CLYBL: variants seen among roughly 807,000 people sequenced by gnomAD.
CLYBL encodes the protein citramalyl-CoA lyase, mitochondrial.
In CLYBL, 31 loss-of-function variants were observed where a neutral mutation model predicts 38.9. The observed-to-expected ratio is 0.80, with a 90% CI of 0.60 to 1.08. The LOEUF (loss-of-function observed/expected upper bound fraction) is 1.08, where lower values mean the gene tolerates loss of function less well. CLYBL is among the 50% of genes least tolerant of loss of function. CLYBL has a pLI of 0.00. For missense variants in CLYBL, 434 were observed against 411.6 expected (o/e 1.05, Z -0.47); for synonymous variants, 171 against 158.6 (o/e 1.08, Z -0.59).
intron 2 of CLYBL, among the ~76,000 whole-genome samples, chr13:99,793,934 T>C (rs1340742513): frequency 6.6e-6 from 1 of 151,936 alleles, no homozygotes; most frequent in African/African-American, 2.4e-5. Flanking sequence ...ATTCAAAGCT[T>C]TATAAATGTG....
chr13:99,792,855 G>A (rs1017033379), intron 2 of CLYBL, among the ~76,000 whole-genome samples: 4 of 151,996 alleles, frequency 2.6e-5, no homozygotes, highest in Non-Finnish European at 4.4e-5. Context: ...AGAAAGAAAC[G>A]CCCAATATCA....
chr13:99,890,671 T>A (rs1053649992), intron 7 of CLYBL, among the ~76,000 whole-genome samples: 3 of 152,180 alleles, frequency 2.0e-5, no homozygotes. Context: ...TTTCACCGTG[T>A]TGGCCAGGCT....
At chr13:99,842,513 T>C (rs1191864043) in intron 2 of CLYBL, among the ~76,000 whole-genome samples, 3 of 152,146 alleles carry the variant, frequency 2.0e-5, no homozygotes, top group Non-Finnish European at 4.4e-5. Flanking sequence ...AAAGACTAGC[T>C]TCCTGTTCTT....
rs573968945 is a variant in CLYBL, at chr13:99,688,990, G to T, written c.62+82233G>T. ...TGGGACTGAGGCCAAGGTGAAACCT[G>T]CGTTTTCCAGGTCTGCCCACTCAGT... is the stretch of plus-strand genomic sequence containing the variant. On this transcript the variant is annotated intron_variant, in intron 1 of 8. Coordinates refer to ENST00000339105, the MANE Select transcript of CLYBL (RefSeq NM_206808.5). Among the ~76,000 whole-genome samples, 24 of 152,204 alleles carry T rather than the reference G, an allele frequency of 1.6e-4. No individual in the cohort carries two copies. In the South Asian group the frequency reaches 5.0e-3, roughly 32 times the overall value.
At chr13:99,889,031 C>T (rs926614818) in intron 7 of CLYBL, among the ~76,000 whole-genome samples, 47 of 152,154 alleles carry the variant, frequency 3.1e-4, no homozygotes, top group Admixed American at 7.9e-4. Flanking sequence ...TCGTTTTGCA[C>T]CTTAAGCTTC....
rs747004830 is a variant in CLYBL, at chr13:99,865,025, A to G, written c.634+114A>G. 2.3e-5 allele frequency: 18 copies of G among 798,074 alleles called. No homozygotes were observed. The East Asian group carries it at 3.6e-4, about 16-fold the overall frequency. The allele number at this position is 798,074 out of a possible 1,614,324, so 49.4% of individuals were successfully genotyped here. ...TTTACATAACAATGTATATTTGCCA[A>G]CCATGACAATGGTTTTTCATGACAA... On this transcript the variant is annotated intron_variant, in intron 5 of 8. Transcript: ENST00000339105. This position sits in a 1 kb window ranked among gnomAD's most constrained non-coding sequence, Gnocchi z 4.7.
chr13:99,858,516 G>A (rs1284439113), intron 2 of CLYBL, among the ~76,000 whole-genome samples: 1 of 152,212 alleles, frequency 6.6e-6, no homozygotes, highest in Non-Finnish European at 1.5e-5. Flanking sequence ...ACCATGCTTA[G>A]CACTTAATGC....
chr13:99,770,102 T>TG (rs2049353796), intron 1 of CLYBL, among the ~76,000 whole-genome samples: 1 of 134,412 alleles, frequency 7.4e-6, no homozygotes, highest in East Asian at 2.1e-4. Flanking sequence ...TTTTTTGAGA[T>TG]GGAGTCTCGC....
chr13:99,729,247 G>A lies in CLYBL; in HGVS notation c.63-43577G>A, dbSNP rs187647215. Among the ~76,000 whole-genome samples the A allele has an allele frequency of 2.0e-5, 3 of 152,322 alleles. No individual in the cohort carries two copies. The East Asian group carries it at 5.8e-4, about 29-fold the overall frequency. On this transcript the variant is annotated intron_variant, in intron 1 of 8. Transcript: ENST00000339105. ...GCTGTGTTATGCCTGACACATTGTC[G>A]GTGACCAACAGATGTACTTGGCCAT...
At chr13:99,619,969 T>A (rs1254269642) in intron 1 of CLYBL, among the ~76,000 whole-genome samples, 6 of 152,160 alleles carry the variant, frequency 3.9e-5, no homozygotes, top group Non-Finnish European at 8.8e-5. Flanking sequence ...ACTCAATTGG[T>A]TTTACCGCCT....
intron 1 of CLYBL, among the ~76,000 whole-genome samples, chr13:99,609,025 A>C (rs1444620671): frequency 1.3e-5 from 2 of 151,464 alleles, no homozygotes; most frequent in Non-Finnish European, 2.9e-5. Flanking sequence ...CTCTCAAAAA[A>C]GTCTACTCTC....
At chr13:99,877,469 C>A in intron 7 of CLYBL, 1 of 280,446 alleles carries the variant, frequency 3.6e-6, no homozygotes, top group Non-Finnish European at 6.8e-6. Flanking sequence ...CACCCCAGGC[C>A]ATCCCTCACC....
intron 1 of CLYBL, among the ~76,000 whole-genome samples, chr13:99,645,527 T>C (rs1427453193): frequency 6.7e-6 from 1 of 150,074 alleles, no homozygotes; most frequent in Admixed American, 6.6e-5. Flanking sequence ...GTCATTTTAA[T>C]GGGGTGTGAT....
downstream of CLYBL, chr13:99,895,494 C>T (rs527426850): frequency 9.8e-5 from 15 of 152,370 alleles, no homozygotes; most frequent in African/African-American, 3.6e-4. Context: ...GACCAGACCC[C>T]AGCATTTCAG....
At chr13:99,728,880 G>A (rs2048531676) in intron 1 of CLYBL, among the ~76,000 whole-genome samples, 1 of 152,144 alleles carries the variant, frequency 6.6e-6, no homozygotes, top group Non-Finnish European at 1.5e-5. Flanking sequence ...ACCATGCCCA[G>A]CCCCACCCCA....
intron 2 of CLYBL, among the ~76,000 whole-genome samples, chr13:99,843,381 A>G (rs560438752): frequency 6.6e-6 from 1 of 152,230 alleles, no homozygotes; most frequent in African/African-American, 2.4e-5. Flanking sequence ...CATCACTCCT[A>G]TCCCATTAGT....
intron 2 of CLYBL, among the ~76,000 whole-genome samples, chr13:99,813,896 C>G (rs893980502): frequency 2.2e-4 from 34 of 152,276 alleles, no homozygotes; most frequent in African/African-American, 7.9e-4. Context: ...GTCCATAGGC[C>G]ATCCCCGTGG....
intron 2 of CLYBL, among the ~76,000 whole-genome samples, chr13:99,776,560 A>G (rs777591466): frequency 4.6e-5 from 7 of 150,796 alleles, no homozygotes; most frequent in Non-Finnish European, 5.9e-5. Flanking sequence ...TTTATCTGAC[A>G]TATTTCACAT....
At chr13:99,789,114 G>A (rs1263771900) in intron 2 of CLYBL, among the ~76,000 whole-genome samples, 2 of 152,104 alleles carry the variant, frequency 1.3e-5, no homozygotes, top group Non-Finnish European at 2.9e-5. Context: ...CTTGCTAGCG[G>A]TCTATCAATT....
Sources: allele counts gnomAD v4.1 joint callset (sites outside exome capture counted in the v4.1 genomes callset), GRCh38; gene constraint gnomAD v4.1.1; non-coding constraint Gnocchi (gnomAD v3.1); transcripts MANE v1.5; gene names NCBI Gene and HGNC (gene_info 2026-07-23, HGNC 2026-07-21).